The following BTBD9 variants were observed in gnomAD, a reference collection of about 807,000 sequenced individuals.
The protein encoded by BTBD9 is BTB domain containing 9.
BTBD9 carries 49 observed loss-of-function variants against 64.3 expected under a neutral mutation model. The observed-to-expected ratio is 0.76, with a 90% CI of 0.61 to 0.97. The LOEUF is 0.97. BTBD9 is among the 50% of genes least tolerant of loss of function. The probability of loss-of-function intolerance (pLI) is 0.00; values close to 1 mark genes in which losing one functional copy is unlikely to be tolerated. For missense variants in BTBD9, 598 were observed against 762.1 expected, an observed-to-expected ratio of 0.78 and a Z score of 2.53; for synonymous variants, 260 against 274.7, an observed-to-expected ratio of 0.95 and a Z score of 0.53.
At chr6:38,354,116 T>TA (rs1247157305) in intron 6 of BTBD9, among the ~76,000 whole-genome samples, 1 of 152,080 alleles carries the variant, frequency 6.6e-6, no homozygotes, top group Non-Finnish European at 1.5e-5. Context: ...ATGTAAACAT[T>TA]ATATACCCTG....
chr6:38,567,635 G>A (rs1425361375), intron 6 of BTBD9, among the ~76,000 whole-genome samples: 1 of 152,086 alleles, frequency 6.6e-6, no homozygotes, highest in Admixed American at 6.6e-5. Context: ...AGATGAACCA[G>A]GCCTGGCACT....
At chr6:38,436,264 T>C (rs1768731045) in intron 6 of BTBD9, among the ~76,000 whole-genome samples, 1 of 151,534 alleles carries the variant, frequency 6.6e-6, no homozygotes, top group Non-Finnish European at 1.5e-5. Flanking sequence ...TAAATCCAAA[T>C]CTCCCACGCT....
intron 6 of BTBD9, among the ~76,000 whole-genome samples, chr6:38,570,677 T>C (rs1286299914): frequency 1.3e-5 from 2 of 152,200 alleles, no homozygotes; most frequent in Admixed American, 1.3e-4. Flanking sequence ...AAAAAATATA[T>C]ATATTTGCAT....
chr6:38,417,800 GA>G (rs10694538), intron 6 of BTBD9, among the ~76,000 whole-genome samples: 14 of 142,958 alleles, frequency 9.8e-5, no homozygotes, highest in African/African-American at 2.2e-4. Flanking sequence ...GAGAGAGAGA[GA>G]AAAAAAATAT....
intron 2 of BTBD9, among the ~76,000 whole-genome samples, chr6:38,594,712 T>C (rs1017196440): frequency 1.1e-4 from 17 of 152,224 alleles, no homozygotes; most frequent in African/African-American, 4.1e-4. Context: ...AACACTAATA[T>C]GATGCCATTC....
At chr6:38,447,908 G>T (rs547889614) in intron 6 of BTBD9, among the ~76,000 whole-genome samples, 1 of 152,346 alleles carries the variant, frequency 6.6e-6, no homozygotes, top group Non-Finnish European at 1.5e-5. Flanking sequence ...TAGGATGAGT[G>T]AAGACTGGAG....
chr6:38,219,564 G>A (rs1763131178), intron 9 of BTBD9, among the ~76,000 whole-genome samples: 1 of 152,100 alleles, frequency 6.6e-6, no homozygotes, highest in Non-Finnish European at 1.5e-5. Context: ...ATATCACCTA[G>A]ATGCTGGGTT....
intron 6 of BTBD9, among the ~76,000 whole-genome samples, chr6:38,545,317 T>C (rs985565851): frequency 8.5e-5 from 13 of 152,150 alleles, no homozygotes; most frequent in African/African-American, 3.1e-4. Context: ...TCTTGATCTC[T>C]TGACCTCTGG....
At chr6:38,584,868 C>G (rs752649450) in intron 4 of BTBD9, among the ~76,000 whole-genome samples, 2 of 152,074 alleles carry the variant, frequency 1.3e-5, no homozygotes, top group African/African-American at 2.4e-5. Flanking sequence ...TTTGACAGTA[C>G]TGGCACTCAA....
chr6:38,206,026 C>G (rs1762638169), intron 9 of BTBD9, among the ~76,000 whole-genome samples: 1 of 151,862 alleles, frequency 6.6e-6, no homozygotes, highest in Admixed American at 6.6e-5. Context: ...CACAGGACAA[C>G]TAGTCCAGAC....
intron 6 of BTBD9, among the ~76,000 whole-genome samples, chr6:38,514,052 A>T (rs1361170761): frequency 6.6e-6 from 1 of 152,248 alleles, no homozygotes; most frequent in Non-Finnish European, 1.5e-5. Context: ...GAGGGAAAGG[A>T]TTAAACATGA....
intron 9 of BTBD9, among the ~76,000 whole-genome samples, chr6:38,209,610 TG>T (rs569229057): frequency 1.3e-5 from 2 of 152,096 alleles, no homozygotes; most frequent in African/African-American, 2.4e-5. Flanking sequence ...TCAAAACCTC[TG>T]GGGGGGTGGG....
chr6:38,600,179 C>A (rs1233385361), intron 1 of BTBD9, among the ~76,000 whole-genome samples: 1 of 152,198 alleles, frequency 6.6e-6, no homozygotes, highest in East Asian at 1.9e-4. Flanking sequence ...TCAGACAGTA[C>A]ATGGTTTAAA....
chr6:38,465,942 C>T (rs1231976099), intron 6 of BTBD9, among the ~76,000 whole-genome samples: 1 of 145,480 alleles, frequency 6.9e-6, no homozygotes, highest in Non-Finnish European at 1.5e-5. Flanking sequence ...GCAATCCTCT[C>T]ATCGCAGCCT....
At chr6:38,635,279 G>T (rs567011870) in intron 1 of BTBD9, among the ~76,000 whole-genome samples, 2 of 152,156 alleles carry the variant, frequency 1.3e-5, no homozygotes, top group East Asian at 1.9e-4. Context: ...GGGATTACAG[G>T]TGTGCACCAC....
intron 7 of BTBD9, among the ~76,000 whole-genome samples, chr6:38,289,272 A>G (rs574504894): frequency 2.0e-5 from 3 of 152,088 alleles, no homozygotes; most frequent in Admixed American, 1.3e-4. Context: ...GACTCGGCCT[A>G]CTGAGGTGGG....
chr6:38,200,635 A>G (rs189491406), intron 9 of BTBD9, among the ~76,000 whole-genome samples: 4 of 152,366 alleles, frequency 2.6e-5, no homozygotes, highest in African/African-American at 9.6e-5. Flanking sequence ...ATTCTGAACA[A>G]CTATATGCTA....
At chr6:38,621,365 T>C (rs753739945) in intron 1 of BTBD9, among the ~76,000 whole-genome samples, 6 of 152,194 alleles carry the variant, frequency 3.9e-5, no homozygotes, top group Non-Finnish European at 5.9e-5. Context: ...TGCCAACAAA[T>C]TGTAGCCCAG....
At chr6:38,420,032 A>T (rs1442447746) in intron 6 of BTBD9, among the ~76,000 whole-genome samples, 1 of 152,222 alleles carries the variant, frequency 6.6e-6, no homozygotes, top group Non-Finnish European at 1.5e-5. Flanking sequence ...GGTACTCATA[A>T]ATCTACAAAT....
Sources: allele counts gnomAD v4.1 joint callset (sites outside exome capture counted in the v4.1 genomes callset), GRCh38; gene constraint gnomAD v4.1.1; transcripts MANE v1.5; gene names NCBI Gene and HGNC (gene_info 2026-07-23, HGNC 2026-07-21).